Variants in FAXC observed in about 807,000 individuals in gnomAD.
The protein encoded by FAXC is failed axon connections homolog, metaxin like GST domain containing.
A neutral mutation model predicts 41.9 loss-of-function variants in FAXC; 10 were observed. That is an observed-to-expected ratio of 0.24 (90% CI 0.15 to 0.41). The LOEUF is 0.41. FAXC is among the 10% of genes least tolerant of loss of function. The pLI is 1.00. For synonymous variants in FAXC, 183 were observed against 183.8 expected, an observed-to-expected ratio of 1.00 and a Z score of 0.03; for missense variants, 399 against 510.9, an observed-to-expected ratio of 0.78 and a Z score of 2.11.
At chr6:99,282,733 T>C (rs1770884985) in intron 5 of FAXC, among the ~76,000 whole-genome samples, 1 of 150,068 alleles carries the variant, frequency 6.7e-6, no homozygotes, top group Non-Finnish European at 1.5e-5. Flanking sequence ...TAAGAATGTC[T>C]TTGGATTTGA....
At chr6:99,322,427 G>T (rs1454380523) in intron 4 of FAXC, among the ~76,000 whole-genome samples, 1 of 152,106 alleles carries the variant, frequency 6.6e-6, no homozygotes, top group Non-Finnish European at 1.5e-5. Context: ...GGCACGAGGT[G>T]GTCTTCAACA....
chr6:99,318,085 C>T (rs991814681), intron 4 of FAXC, among the ~76,000 whole-genome samples: 2 of 152,002 alleles, frequency 1.3e-5, no homozygotes, highest in Non-Finnish European at 2.9e-5. Flanking sequence ...GGTGAAAGCC[C>T]GTCTCTACTA....
At position 99,331,427 on chromosome 6, in the gene FAXC, C is replaced by T. The variant is rs539935548; in HGVS notation, c.599+1924G>A. Among the ~76,000 whole-genome samples, 3 of 152,188 alleles carry T rather than the reference C, an allele frequency of 2.0e-5. No individual in the cohort carries two copies. In the South Asian group the frequency reaches 6.2e-4, roughly 32 times the overall value. ...CCCCGCATGGAGTATCAGCTCGGGG[C>T]TGGTGAAGGAAGAGATGGAAAGGGC... On this transcript the variant is annotated intron_variant, in intron 3 of 5. Transcript: ENST00000389677.
intron 3 of FAXC, among the ~76,000 whole-genome samples, chr6:99,332,548 C>G (rs1447606060): frequency 1.3e-5 from 2 of 152,122 alleles, no homozygotes; most frequent in Non-Finnish European, 2.9e-5. Flanking sequence ...ACCATATCTT[C>G]TTAACTCACA....
rs577453739 is a variant in FAXC at position 99,278,645 on chromosome 6, A to G, written c.*2519T>C. On this transcript the variant is annotated 3_prime_UTR_variant, in exon 6 of 6. Transcript: ENST00000389677. The stretch of plus-strand genomic sequence containing the variant: ...ACTTTGTCTTGGTTATTTTGTTTGC[A>G]TAACCCGCCTTGGGAAAGTAAAGCA... 6.6e-6 allele frequency: 1 copy of G among 152,338 alleles called. No individual in the cohort carries two copies. The highest frequency in any genetic ancestry group is 1.5e-5 in the Non-Finnish European group (1 of 68,026). The allele number at this position is 152,338 out of a possible 1,614,324, so 9.4% of individuals were successfully genotyped here. A position where few individuals can be genotyped will look rare whatever the true frequency, so the allele number is the denominator to read the frequency against.
intron 4 of FAXC, among the ~76,000 whole-genome samples, chr6:99,322,781 G>C (rs968697869): frequency 6.6e-6 from 1 of 152,208 alleles, no homozygotes; most frequent in South Asian, 2.1e-4. Flanking sequence ...AGGGGAGCAA[G>C]AGTACATCAT....
intron 4 of FAXC, among the ~76,000 whole-genome samples, chr6:99,318,760 T>C (rs1772470445): frequency 6.6e-6 from 1 of 152,188 alleles, no homozygotes; most frequent in South Asian, 2.1e-4. Flanking sequence ...CTGAACCTCA[T>C]TTTGCAAATG....
intron 1 of FAXC, among the ~76,000 whole-genome samples, chr6:99,348,582 C>A (rs1773679432): frequency 6.6e-6 from 1 of 152,196 alleles, no homozygotes; most frequent in African/African-American, 2.4e-5. Flanking sequence ...CAGGTTAAGG[C>A]TGCATCAAAG....
chr6:99,291,862 C>A (rs754913087), intron 4 of FAXC, 42 bp from the exon 5 acceptor site: 3 of 1,368,924 alleles, frequency 2.2e-6, no homozygotes, highest in South Asian at 2.3e-5. Flanking sequence ...CTGGCCCACA[C>A]TGCCCCACAT....
At position 99,274,157 on chromosome 6, in the gene FAXC, C is replaced by T. The variant is rs1157948276; in HGVS notation, c.*7007G>A. 2 of 151,958 alleles carry T rather than the reference C, an allele frequency of 1.3e-5. No homozygotes were observed. The highest frequency in any genetic ancestry group is 4.8e-5 in the African/African-American group (2 of 41,384). The allele number at this position is 151,958 out of a possible 1,614,324, so 9.4% of individuals were successfully genotyped here. On this transcript the variant is annotated 3_prime_UTR_variant, in exon 6 of 6. Transcript: ENST00000389677. ...AGGAGTAAATGTATCAGGGCCAGACCCTCTAAGCTGCTATCTAAGGTCCCA... is the reference window on the plus strand; with the variant it reads ...AGGAGTAAATGTATCAGGGCCAGACTCTCTAAGCTGCTATCTAAGGTCCCA...
At chr6:99,316,826 G>A (rs535680603) in intron 4 of FAXC, among the ~76,000 whole-genome samples, 1 of 152,308 alleles carries the variant, frequency 6.6e-6, no homozygotes, top group South Asian at 2.1e-4. Flanking sequence ...AAAGTTGCTT[G>A]ATTGTTTTAT....
At chr6:99,338,524 G>A (rs984024420) in intron 2 of FAXC, among the ~76,000 whole-genome samples, 1 of 152,170 alleles carries the variant, frequency 6.6e-6, no homozygotes, top group African/African-American at 2.4e-5. Flanking sequence ...ATCAAAGGTG[G>A]GGGAGCACAA....
intron 3 of FAXC, among the ~76,000 whole-genome samples, chr6:99,332,260 G>A (rs1212173511): frequency 2.0e-5 from 3 of 152,138 alleles, no homozygotes; most frequent in African/African-American, 4.8e-5. Flanking sequence ...AGGAGGAGAA[G>A]AAAGAACCTT....
chr6:99,317,177 A>AT (rs58725351), intron 4 of FAXC, among the ~76,000 whole-genome samples: 13 of 151,350 alleles, frequency 8.6e-5, no homozygotes, highest in African/African-American at 2.4e-4. Context: ...TGGAAATCAG[A>AT]TTTTTTTTTT....
chr6:99,295,020 C>G (rs1771427838), intron 4 of FAXC, among the ~76,000 whole-genome samples: 1 of 152,168 alleles, frequency 6.6e-6, no homozygotes, highest in Non-Finnish European at 1.5e-5. Context: ...GGACCTTAAT[C>G]TCAGAGATAA....
At chr6:99,332,385 C>CTCT (rs1773057087) in intron 3 of FAXC, among the ~76,000 whole-genome samples, 1 of 152,210 alleles carries the variant, frequency 6.6e-6, no homozygotes, top group African/African-American at 2.4e-5. Context: ...GGCTTAACAA[C>CTCT]TCTTAATTCA....
intron 4 of FAXC, among the ~76,000 whole-genome samples, chr6:99,319,083 G>A (rs944101792): frequency 1.3e-5 from 2 of 152,164 alleles, no homozygotes; most frequent in African/African-American, 4.8e-5. Flanking sequence ...CCCCAAGGGG[G>A]ACATAAGAAC....
intron 5 of FAXC, among the ~76,000 whole-genome samples, chr6:99,289,725 A>G (rs1332711010): frequency 1.3e-5 from 2 of 151,480 alleles, no homozygotes; most frequent in Admixed American, 6.6e-5. Flanking sequence ...GTGTGTATAT[A>G]TATATATAGT....
In FAXC at chr6:99,291,515, G is replaced by T. The variant is rs960263227; in HGVS notation, c.940+189C>A. ...GTCTGGGCAAGACAGCAGGTGAGAAGCCCAGTCTCTCTTCCACCCCAAAGT... is the reference window on the plus strand; with the variant it reads ...GTCTGGGCAAGACAGCAGGTGAGAATCCCAGTCTCTCTTCCACCCCAAAGT... On this transcript the variant is annotated intron_variant, in intron 5 of 5. Transcript: ENST00000389677. Among the ~76,000 whole-genome samples, 5 of 152,196 alleles carry T rather than the reference G, an allele frequency of 3.3e-5. 1 individual carries two copies. In the East Asian group the frequency reaches 9.6e-4, roughly 29 times the overall value.
Sources: allele counts gnomAD v4.1 joint callset (sites outside exome capture counted in the v4.1 genomes callset), GRCh38; gene constraint gnomAD v4.1.1; transcripts MANE v1.5; gene names NCBI Gene and HGNC (gene_info 2026-07-23, HGNC 2026-07-21).